PTPRN2: variants seen among roughly 807,000 people sequenced by gnomAD.
PTPRN2 encodes receptor-type tyrosine-protein phosphatase N2.
PTPRN2 carries 74 observed loss-of-function variants against 118.8 expected under a neutral mutation model. The observed-to-expected ratio is 0.62, with a 90% CI of 0.52 to 0.76. The LOEUF (loss-of-function observed/expected upper bound fraction) is 0.76, where lower values mean the gene tolerates loss of function less well. Ranked by LOEUF, PTPRN2 falls within the 30% of genes least tolerant of loss-of-function variation. The pLI is 0.00. For synonymous variants in PTPRN2, 641 were observed against 608.0 expected (o/e 1.05, Z -0.80); for missense variants, 1,481 against 1,394.4 (o/e 1.06, Z -0.99).
chr7:157,702,956 C>A (rs1798152477), intron 12 of PTPRN2, among the ~76,000 whole-genome samples: 1 of 152,034 alleles, frequency 6.6e-6, no homozygotes, highest in South Asian at 2.1e-4. Flanking sequence ...GGAGACCGGT[C>A]TTAGGAAGGG....
chr7:157,622,782 G>C lies in PTPRN2; in HGVS notation c.2197-1273C>G, dbSNP rs1323144542. 6.6e-6 allele frequency among the ~76,000 whole-genome samples: 1 copy of C among 152,200 alleles called. No homozygotes were observed. The highest frequency in any genetic ancestry group is 1.5e-5 in the Non-Finnish European group (1 of 68,044). On this transcript the variant is annotated intron_variant, in intron 14 of 22. Transcript: ENST00000389418. The surrounding 1 kb of genome is among the most constrained non-coding windows in gnomAD (Gnocchi z 5.3). ...GCCGTCTGTTGGGAGGTCCCAGGTT[G>C]TCACTGTCACCCCCACCATGGCCCT...
At chr7:157,992,682 C>G (rs1192860208) in intron 11 of PTPRN2, among the ~76,000 whole-genome samples, 1 of 151,966 alleles carries the variant, frequency 6.6e-6, no homozygotes, top group Non-Finnish European at 1.5e-5. Flanking sequence ...CAACAGAGAG[C>G]AGGGAGCAGA....
At position 158,498,053 on chromosome 7, in the gene PTPRN2, G is replaced by A. The variant is rs117977783; in HGVS notation, c.113-8268C>T. Among the ~76,000 whole-genome samples, 193 of 152,342 alleles carry A rather than the reference G, an allele frequency of 1.3e-3. 4 individuals carry two copies. The East Asian group carries it at 0.033, about 26-fold the overall frequency. On this transcript the variant is annotated intron_variant, in intron 1 of 22. Transcript: ENST00000389418. Reference sequence around the variant, plus strand: ...CCTGGTCAGTCCGCTCCATCACAACGGTGATGTGTGTGCTCAGCAGAGGCT... The same window carrying A: ...CCTGGTCAGTCCGCTCCATCACAACAGTGATGTGTGTGCTCAGCAGAGGCT...
At chr7:158,433,292 A>G (rs893959496) in intron 2 of PTPRN2, among the ~76,000 whole-genome samples, 2 of 152,152 alleles carry the variant, frequency 1.3e-5, no homozygotes, top group African/African-American at 2.4e-5. Context: ...ATGCATTTCT[A>G]TTGGGTATGT....
At chr7:158,264,870 C>G (rs901615347) in intron 3 of PTPRN2, among the ~76,000 whole-genome samples, 2 of 152,114 alleles carry the variant, frequency 1.3e-5, no homozygotes, top group African/African-American at 2.4e-5. Flanking sequence ...CCTTGATGCC[C>G]GGGAGGAGCT....
Position 158,266,728 on chromosome 7 carries a change from G to T in PTPRN2, c.277+50091C>A, listed in dbSNP as rs560138715. ...CCGGCTTTAACCTGGGCAGAGAGAT[G>T]AGAGTTCTGTAATTTTTGAAGATTG... On this transcript the variant is annotated intron_variant, in intron 3 of 22. Coordinates refer to ENST00000389418, the MANE Select transcript of PTPRN2 (RefSeq NM_002847.5). 3.9e-5 allele frequency among the ~76,000 whole-genome samples: 6 copies of T among 152,362 alleles called. No homozygotes were observed. In the East Asian group the frequency reaches 5.8e-4, roughly 15 times the overall value.
At chr7:157,543,232 A>T (rs1798098471) in intron 22 of PTPRN2, among the ~76,000 whole-genome samples, 1 of 152,276 alleles carries the variant, frequency 6.6e-6, no homozygotes, top group South Asian at 2.1e-4. Context: ...TTGCAAAGAC[A>T]GGACATTCGA....
In PTPRN2 at chr7:157,723,843, C is replaced by T. The variant is rs184204398; in HGVS notation, c.1789-40906G>A. On this transcript the variant is annotated intron_variant, in intron 12 of 22. Transcript: ENST00000389418. ...AGCGAATCCACCACCATCCAATTCC[C>T]GCTCATACACAGCAGGCCAGAAAGA... Among the ~76,000 whole-genome samples, 123 of 152,340 alleles carry T rather than the reference C, an allele frequency of 8.1e-4. 1 individual carries two copies. Among genetic ancestry groups the T allele is most frequent in the Non-Finnish European group, 3.2e-4 (22 of 68,040 alleles).
At chr7:158,339,609 TAAG>T (rs1277444843) in intron 2 of PTPRN2, among the ~76,000 whole-genome samples, 1 of 13,626 alleles carries the variant, frequency 7.3e-5, no homozygotes, top group African/African-American at 3.8e-4. Context: ...ACTCTCACCA[TAAG>T]AAGTGACACC....
rs761606067 is a variant in PTPRN2 at position 157,574,427 on chromosome 7, A to G, written c.2783+2186T>C. ...AAAATGACACTGGCCACCGCTAATT[A>G]GCTGGCAAGGTAAGGGTTTGTCCGT... On this transcript the variant is annotated intron_variant, in intron 19 of 22. Transcript: ENST00000389418. 57 of 532,320 alleles carry G rather than the reference A, an allele frequency of 1.1e-4. 1 individual carries two copies. Among genetic ancestry groups the G allele is most frequent in the South Asian group, 7.8e-4 (56 of 71,468 alleles). 33.0% of individuals were successfully genotyped at this position (532,320 alleles called of 1,614,324 possible). A position where few individuals can be genotyped will look rare whatever the true frequency, so the allele number is the denominator to read the frequency against.
intron 3 of PTPRN2, among the ~76,000 whole-genome samples, chr7:158,262,265 G>A (rs539342997): frequency 1.4e-4 from 21 of 152,114 alleles, no homozygotes; most frequent in African/African-American, 5.1e-4. Context: ...GATGCACACT[G>A]CAACACATAT....
intron 11 of PTPRN2, among the ~76,000 whole-genome samples, chr7:158,043,940 G>A (rs546698121): frequency 2.6e-5 from 4 of 152,304 alleles, no homozygotes; most frequent in African/African-American, 9.6e-5. Context: ...AGCACCTAAC[G>A]TACGCTGACC....
At chr7:157,579,941 C>T (rs1209361725) in intron 17 of PTPRN2, among the ~76,000 whole-genome samples, 3 of 152,194 alleles carry the variant, frequency 2.0e-5, no homozygotes, top group African/African-American at 7.2e-5. Flanking sequence ...AAAACTATGG[C>T]ATTTCTCCAT....
rs551426968 is a variant in PTPRN2, at chr7:157,677,730, C to T, written c.2001+4995G>A. ...CAGGTTCTTCCCACACTGGGGACGACACGTACCCTTTACCCTCATCATCCT... is the reference window on the plus strand; with the variant it reads ...CAGGTTCTTCCCACACTGGGGACGATACGTACCCTTTACCCTCATCATCCT... On this transcript the variant is annotated intron_variant, in intron 13 of 22. Coordinates refer to ENST00000389418, the MANE Select transcript of PTPRN2 (RefSeq NM_002847.5). Among the ~76,000 whole-genome samples the T allele has an allele frequency of 2.7e-4, 41 of 152,344 alleles. 1 individual carries two copies. Among genetic ancestry groups the T allele is most frequent in the Admixed American group, 2.6e-3 (40 of 15,308 alleles).
rs1300231151 is a variant in PTPRN2, at chr7:158,093,626, G to C, written c.1644-12249C>G. On this transcript the variant is annotated intron_variant, in intron 10 of 22. Transcript: ENST00000389418. The surrounding 1 kb of genome is among the most constrained non-coding windows in gnomAD (Gnocchi z 4.4). The stretch of plus-strand genomic sequence containing the variant: ...AATTCTCTTTGCATGCCTCATTCCA[G>C]CTATGTCTTCTTACAGAGGAGACAT... 6.6e-6 allele frequency among the ~76,000 whole-genome samples: 1 copy of C among 152,180 alleles called. No homozygotes were observed. The highest frequency in any genetic ancestry group is 2.4e-5 in the African/African-American group (1 of 41,438).
chr7:158,570,678 G>A lies in PTPRN2; in HGVS notation c.112+16880C>T, dbSNP rs759546841. Among the ~76,000 whole-genome samples, 5 of 152,154 alleles carry A rather than the reference G, an allele frequency of 3.3e-5. No homozygotes were observed. Among genetic ancestry groups the A allele is most frequent in the African/African-American group, 4.8e-5 (2 of 41,438 alleles). ...GTCTCCGCCGTAACACGTGTATACC[G>A]GCTCAGCACGCGGCTGGGTACGGTT... On this transcript the variant is annotated intron_variant, in intron 1 of 22. Transcript: ENST00000389418. This position sits in a 1 kb window ranked among gnomAD's most constrained non-coding sequence, Gnocchi z 4.5.
chr7:158,480,513 C>G (rs150406413), intron 2 of PTPRN2, among the ~76,000 whole-genome samples: 1 of 152,220 alleles, frequency 6.6e-6, no homozygotes, highest in Non-Finnish European at 1.5e-5. Flanking sequence ...AGAGCCGCAC[C>G]TCTCTCACTT....
At chr7:158,060,499 G>A (rs561382920) in intron 11 of PTPRN2, among the ~76,000 whole-genome samples, 2 of 152,304 alleles carry the variant, frequency 1.3e-5, no homozygotes, top group Non-Finnish European at 2.9e-5. Context: ...GTACCTTCAC[G>A]AGGTGATCCC....
In PTPRN2 at chr7:157,794,224, C is replaced by T. The variant is rs112361522; in HGVS notation, c.1788+104449G>A. 6.8e-6 allele frequency among the ~76,000 whole-genome samples: 1 copy of T among 147,872 alleles called. No individual in the cohort carries two copies. The highest frequency in any genetic ancestry group is 2.6e-5 in the African/African-American group (1 of 37,876). On this transcript the variant is annotated intron_variant, in intron 12 of 22. Coordinates refer to ENST00000389418, the MANE Select transcript of PTPRN2 (RefSeq NM_002847.5). This position sits in a 1 kb window ranked among gnomAD's most constrained non-coding sequence, Gnocchi z 5.2. ...CACCTCCGACCCGGGCTCACACCTC[C>T]CCTCGTTCTCTGCTCCGACCCGGGC...
Sources: gnomAD v4.1 joint callset for allele counts (sites outside exome capture counted in the v4.1 genomes callset) on GRCh38, gnomAD v4.1.1 for gene constraint, Gnocchi (gnomAD v3.1) non-coding constraint, MANE v1.5 for transcripts, NCBI Gene and HGNC (gene_info 2026-07-23, HGNC 2026-07-21) for gene names.